The following EYS variants were observed in gnomAD, a reference collection of about 807,000 sequenced individuals.
EYS encodes the protein protein eyes shut homolog.
In EYS, 250 loss-of-function variants were observed where a neutral mutation model predicts 282.1. The observed-to-expected ratio is 0.89, with a 90% CI of 0.80 to 0.98. The LOEUF (loss-of-function observed/expected upper bound fraction) is 0.98. EYS is among the 50% of genes least tolerant of loss of function. The pLI, the probability that EYS is intolerant of heterozygous loss-of-function variation, is 0.00. For missense variants in EYS, 4,016 were observed against 3,709.0 expected (o/e 1.08, Z -2.15); for synonymous variants, 1,355 against 1,282.9 (o/e 1.06, Z -1.20).
At chr6:64,100,185 T>G (rs970247698) in intron 31 of EYS, among the ~76,000 whole-genome samples, 5 of 152,210 alleles carry the variant, frequency 3.3e-5, no homozygotes, top group African/African-American at 7.2e-5. Context: ...ATTATACTAC[T>G]TTCTGTCAAT....
intron 2 of EYS, among the ~76,000 whole-genome samples, chr6:65,601,132 A>G (rs1765604922): frequency 6.6e-6 from 1 of 151,946 alleles, no homozygotes; most frequent in Admixed American, 6.6e-5. Flanking sequence ...TAGCTTACAT[A>G]GGGGCATTTA....
chr6:64,739,113 C>T (rs1772283736), intron 22 of EYS, among the ~76,000 whole-genome samples: 1 of 152,148 alleles, frequency 6.6e-6, no homozygotes. Flanking sequence ...CTCTACTGAG[C>T]TGGACCTCTA....
chr6:65,013,380 G>A (rs934071269), intron 13 of EYS, among the ~76,000 whole-genome samples: 1 of 152,138 alleles, frequency 6.6e-6, no homozygotes, highest in Non-Finnish European at 1.5e-5. Flanking sequence ...TTGTCCTGTG[G>A]CAAGCACTGT....
intron 26 of EYS, among the ~76,000 whole-genome samples, chr6:64,465,065 A>G (rs1775872971): frequency 6.6e-6 from 1 of 152,008 alleles, no homozygotes; most frequent in South Asian, 2.1e-4. Flanking sequence ...AAGAGATAAA[A>G]GACCTGTACA....
intron 5 of EYS, among the ~76,000 whole-genome samples, chr6:65,408,182 G>C (rs1427891576): frequency 6.6e-6 from 1 of 151,956 alleles, no homozygotes; most frequent in Non-Finnish European, 1.5e-5. Flanking sequence ...TATGTGATTG[G>C]ATTCAATTTG....
chr6:64,799,368 A>G (rs980082580), intron 22 of EYS, among the ~76,000 whole-genome samples: 1 of 151,862 alleles, frequency 6.6e-6, no homozygotes, highest in Non-Finnish European at 1.5e-5. Flanking sequence ...CTCTCAAAAT[A>G]TAGTAGGTTT....
intron 19 of EYS, among the ~76,000 whole-genome samples, chr6:64,884,498 T>A (rs929387060): frequency 6.6e-6 from 1 of 151,456 alleles, no homozygotes; most frequent in Admixed American, 6.6e-5. Context: ...GTGTCATGAC[T>A]CTCTTGAAAT....
intron 14 of EYS, among the ~76,000 whole-genome samples, chr6:64,985,509 T>G (rs1392249769): frequency 6.6e-6 from 1 of 151,580 alleles, no homozygotes; most frequent in Non-Finnish European, 1.5e-5. Context: ...CTTAGAACAA[T>G]TCTATCTTCT....
intron 26 of EYS, among the ~76,000 whole-genome samples, chr6:64,476,459 TCTCCCCAGAAGATCTCTGG>T (rs1776268600): frequency 1.3e-5 from 2 of 151,838 alleles, no homozygotes; most frequent in Non-Finnish European, 2.9e-5. Context: ...TAGTACAAAC[TCTCCCCAGAAGATCTCTGG>T]GTATATCCAA....
chr6:64,211,195 T>C (rs138409140), intron 31 of EYS, among the ~76,000 whole-genome samples: 44 of 152,274 alleles, frequency 2.9e-4, no homozygotes, highest in African/African-American at 1.0e-3. Flanking sequence ...CCATTGGTCA[T>C]GTCTTTCTGG....
In EYS at chr6:64,080,794, C is replaced by T. The variant is rs1451117783; in HGVS notation, c.6571+1062G>A. Among the ~76,000 whole-genome samples the T allele has an allele frequency of 5.9e-5, 9 of 152,036 alleles. No homozygotes were observed. In the East Asian group the frequency reaches 1.7e-3, roughly 29 times the overall value. On this transcript the variant is annotated intron_variant, in intron 32 of 42. Coordinates refer to ENST00000503581, the MANE Select transcript of EYS (RefSeq NM_001142800.2). ...ACATATGGCTAGCCAGTTTTCCCAG[C>T]ACCATTTATTAAATAGGGAATCCTT...
rs536608713 is a variant in EYS, at chr6:65,254,915, A to G, written c.2023+40948T>C. On this transcript the variant is annotated intron_variant, in intron 12 of 42. Coordinates refer to ENST00000503581, the MANE Select transcript of EYS (RefSeq NM_001142800.2). ...AACATGAATTTACACATTTTTAAAT[A>G]AACCATGCTCATAATGTTCAAACAT... Among the ~76,000 whole-genome samples, 140 of 152,060 alleles carry G rather than the reference A, an allele frequency of 9.2e-4. 2 individuals carry two copies. The South Asian group carries it at 0.028, about 31-fold the overall frequency.
chr6:63,819,806 A>G (rs1771274734), intron 36 of EYS, among the ~76,000 whole-genome samples: 2 of 152,196 alleles, frequency 1.3e-5, no homozygotes, highest in South Asian at 4.1e-4. Context: ...ACTAGTAGGG[A>G]AAGAAAATCC....
At position 64,436,290 on chromosome 6, in the gene EYS, TCAAA is replaced by T. The variant is rs763222547; in HGVS notation, c.5836-29_5836-26del. The T allele has an allele frequency of 6.6e-5, 89 of 1,344,302 alleles. 1 individual carries two copies. Among genetic ancestry groups the T allele is most frequent in the Non-Finnish European group, 8.5e-5 (82 of 965,258 alleles). 83.3% of individuals were successfully genotyped at this position (1,344,302 alleles called of 1,614,324 possible). On this transcript the variant is annotated intron_variant, in intron 27 of 42. Transcript: ENST00000503581. Reference sequence around the variant, plus strand: ...ACTGTTGGGGGAAAAAATTTTGTCCTCAAACAGTTTTTCAGCATGAAATTAATAC... The same window carrying T: ...ACTGTTGGGGGAAAAAATTTTGTCCTCAGTTTTTCAGCATGAAATTAATAC...
intron 5 of EYS, 145 bp from the exon 6 acceptor site, chr6:65,405,512 ATATAT>A (rs1459335698): frequency 1.5e-5 from 10 of 685,964 alleles, no homozygotes; most frequent in Non-Finnish European, 2.5e-5. Flanking sequence ...AGTGTAAGTT[ATATAT>A]TATAAAATTC....
chr6:64,836,144 T>C (rs1184044649), intron 19 of EYS, among the ~76,000 whole-genome samples: 1 of 150,720 alleles, frequency 6.6e-6, no homozygotes, highest in Non-Finnish European at 1.5e-5. Flanking sequence ...ATTGGCACTT[T>C]CTCAATGTAA....
chr6:64,032,988 C>G (rs1204185872), intron 33 of EYS, among the ~76,000 whole-genome samples: 2 of 152,174 alleles, frequency 1.3e-5, no homozygotes, highest in Non-Finnish European at 2.9e-5. Flanking sequence ...GAGGAGACTT[C>G]AAGAGTCTTA....
chr6:65,615,212 T>C (rs1406387681), intron 2 of EYS, among the ~76,000 whole-genome samples: 1 of 152,232 alleles, frequency 6.6e-6, no homozygotes, highest in East Asian at 1.9e-4. Flanking sequence ...TACATTACTA[T>C]TGATCAATAC....
chr6:64,758,193 C>A (rs1251514570), intron 22 of EYS, among the ~76,000 whole-genome samples: 3 of 152,030 alleles, frequency 2.0e-5, no homozygotes, highest in Non-Finnish European at 2.9e-5. Flanking sequence ...TGATAGGGAT[C>A]CTGGGAAAAA....
Sources: allele counts gnomAD v4.1 joint callset (sites outside exome capture counted in the v4.1 genomes callset), GRCh38; gene constraint gnomAD v4.1.1; transcripts MANE v1.5; gene names NCBI Gene and HGNC (gene_info 2026-07-23, HGNC 2026-07-21).